Variants in EPHA6 observed in about 807,000 individuals in gnomAD.
EPHA6 encodes EPH receptor A6.
Under a neutral mutation model 112.0 loss-of-function variants are expected in EPHA6, and 50 were observed. The observed-to-expected ratio is 0.45, with a 90% CI of 0.36 to 0.56. EPHA6 has a LOEUF of 0.56. Among genes scored for constraint, EPHA6 ranks in the 20% least tolerant of loss-of-function variants. The pLI is 0.00. For synonymous variants in EPHA6, 529 were observed against 490.7 expected (o/e 1.08, Z -1.03); for missense variants, 1,280 against 1,417.4 (o/e 0.90, Z 1.56).
At chr3:97,182,102 A>G (rs2077004197) in intron 3 of EPHA6, among the ~76,000 whole-genome samples, 1 of 152,092 alleles carries the variant, frequency 6.6e-6, no homozygotes, top group East Asian at 1.9e-4. Flanking sequence ...TTGCCCTTCC[A>G]GAAGCTTTTT....
chr3:97,070,899 G>A (rs939830394), intron 3 of EPHA6, among the ~76,000 whole-genome samples: 4 of 152,030 alleles, frequency 2.6e-5, no homozygotes, highest in African/African-American at 7.2e-5. Context: ...AATTAATAAA[G>A]CAGATAAACG....
chr3:97,599,624 A>C (rs2107395477), intron 12 of EPHA6, among the ~76,000 whole-genome samples: 1 of 151,668 alleles, frequency 6.6e-6, no homozygotes, highest in East Asian at 1.9e-4. Flanking sequence ...CCATTGATCT[A>C]TATCTCTGTT....
chr3:97,598,893 G>A (rs2093618302), intron 12 of EPHA6, among the ~76,000 whole-genome samples: 2 of 150,002 alleles, frequency 1.3e-5, no homozygotes, highest in South Asian at 2.2e-4. Context: ...CAGTGTAAAA[G>A]TGTTCCTATT....
At chr3:97,456,216 T>C (rs1329677518) in intron 7 of EPHA6, among the ~76,000 whole-genome samples, 2 of 152,154 alleles carry the variant, frequency 1.3e-5, no homozygotes, top group African/African-American at 4.8e-5. Flanking sequence ...ACTGGAAGTT[T>C]TTACAAGATC....
intron 14 of EPHA6, among the ~76,000 whole-genome samples, chr3:97,679,795 G>A (rs1230793540): frequency 6.6e-6 from 1 of 152,072 alleles, no homozygotes; most frequent in East Asian, 1.9e-4. Context: ...AATTTAAATT[G>A]TTCAGTATTA....
Position 97,352,304 on chromosome 3 carries a change from T to C in EPHA6, c.1607-52846T>C, listed in dbSNP as rs182860963. Among the ~76,000 whole-genome samples, 19 of 152,280 alleles carry C rather than the reference T, an allele frequency of 1.2e-4. No homozygotes were observed. In the East Asian group the frequency reaches 3.3e-3, roughly 26 times the overall value. On this transcript the variant is annotated intron_variant, in intron 5 of 17. Transcript: ENST00000389672. The stretch of plus-strand genomic sequence containing the variant: ...AGGAGCACCAAATTGAACAACTGTC[T>C]GTACAAGAAAGCACCTTCATAAGAA...
At chr3:97,138,129 G>A (rs973447336) in intron 3 of EPHA6, among the ~76,000 whole-genome samples, 1 of 152,128 alleles carries the variant, frequency 6.6e-6, no homozygotes. Flanking sequence ...GTGAGTGAAG[G>A]AACCCCAGGA....
intron 11 of EPHA6, among the ~76,000 whole-genome samples, chr3:97,576,201 G>T (rs1466170145): frequency 2.0e-5 from 3 of 152,082 alleles, no homozygotes; most frequent in Non-Finnish European, 4.4e-5. Context: ...CTTCTCTATA[G>T]AAGAGGTTAA....
At chr3:96,839,888 T>TA (rs901256315) in intron 1 of EPHA6, among the ~76,000 whole-genome samples, 1 of 152,158 alleles carries the variant, frequency 6.6e-6, no homozygotes, top group East Asian at 1.9e-4. Flanking sequence ...GTAATCCAGT[T>TA]AAAAAAATAA....
chr3:97,518,644 A>G (rs571080108), intron 10 of EPHA6, among the ~76,000 whole-genome samples: 45 of 151,962 alleles, frequency 3.0e-4, no homozygotes, highest in Non-Finnish European at 5.4e-4. Context: ...ACCAACACCT[A>G]TTATTTTTGT....
chr3:97,749,011 T>G lies in EPHA6; in HGVS notation c.*310T>G, dbSNP rs534586041. Reference sequence around the variant, plus strand: ...ATGGGAAGTGTTCACGGACTTAACCTAAAAAAATTTATCCAGGTGGGGCTT... The same window carrying G: ...ATGGGAAGTGTTCACGGACTTAACCGAAAAAAATTTATCCAGGTGGGGCTT... On this transcript the variant is annotated 3_prime_UTR_variant, in exon 18 of 18. Coordinates refer to ENST00000389672, the MANE Select transcript of EPHA6 (RefSeq NM_001080448.3). 7 of 318,648 alleles carry G rather than the reference T, an allele frequency of 2.2e-5. No homozygotes were observed. Among genetic ancestry groups the G allele is most frequent in the African/African-American group, 1.4e-4 (7 of 49,544 alleles). The allele number at this position is 318,648 out of a possible 1,614,324, so 19.7% of individuals were successfully genotyped here. A position where few individuals can be genotyped will look rare whatever the true frequency, so the allele number is the denominator to read the frequency against.
At chr3:97,130,107 G>A (rs1431335629) in intron 3 of EPHA6, among the ~76,000 whole-genome samples, 2 of 151,986 alleles carry the variant, frequency 1.3e-5, no homozygotes, top group Admixed American at 1.3e-4. Context: ...AGTGCATTTT[G>A]TTGATAAAAT....
chr3:97,438,481 A>T (rs182285030), intron 6 of EPHA6, among the ~76,000 whole-genome samples: 25 of 152,324 alleles, frequency 1.6e-4, no homozygotes, highest in Non-Finnish European at 1.5e-5. Context: ...AATTTATGCC[A>T]ACAAACTTTT....
chr3:97,585,802 C>T (rs928013083), intron 11 of EPHA6, among the ~76,000 whole-genome samples: 1 of 150,996 alleles, frequency 6.6e-6, no homozygotes, highest in African/African-American at 2.5e-5. Context: ...TAGTCAGACT[C>T]AGTCCCTGAA....
intron 3 of EPHA6, among the ~76,000 whole-genome samples, chr3:97,126,560 T>C (rs1457137950): frequency 6.6e-6 from 1 of 152,152 alleles, no homozygotes. Flanking sequence ...AACATGTCAC[T>C]ACTAGTTTTC....
chr3:97,095,487 C>A (rs2047208356), intron 3 of EPHA6, among the ~76,000 whole-genome samples: 1 of 151,946 alleles, frequency 6.6e-6, no homozygotes, highest in African/African-American at 2.4e-5. Flanking sequence ...TTGTTGTGAC[C>A]ATACCCCCCA....
At chr3:97,171,803 A>G (rs2076709574) in intron 3 of EPHA6, among the ~76,000 whole-genome samples, 1 of 152,100 alleles carries the variant, frequency 6.6e-6, no homozygotes, top group African/African-American at 2.4e-5. Context: ...TGTCAAAGGC[A>G]GAAAACAGGA....
chr3:97,051,982 A>G (rs1022321400), intron 3 of EPHA6, among the ~76,000 whole-genome samples: 2 of 152,114 alleles, frequency 1.3e-5, no homozygotes, highest in Non-Finnish European at 2.9e-5. Context: ...AATAATAGTA[A>G]TGTTTAATAT....
intron 3 of EPHA6, among the ~76,000 whole-genome samples, chr3:97,204,503 A>G (rs1391517112): frequency 1.3e-5 from 2 of 152,134 alleles, no homozygotes; most frequent in Non-Finnish European, 2.9e-5. Context: ...AAAGTTAGTA[A>G]GTGGATGGGC....
Sources: allele counts gnomAD v4.1 joint callset (sites outside exome capture counted in the v4.1 genomes callset), GRCh38; gene constraint gnomAD v4.1.1; transcripts MANE v1.5; gene names NCBI Gene and HGNC (gene_info 2026-07-23, HGNC 2026-07-21).